Variants in MED28 observed in about 807,000 individuals in gnomAD.
The protein encoded by MED28 is mediator of RNA polymerase II transcription subunit 28.
Under a neutral mutation model 21.3 loss-of-function variants are expected in MED28, and 26 were observed. The ratio of observed to expected loss-of-function variants is 1.22; its 90% confidence interval spans 0.89 to 1.69. The LOEUF is 1.69. Among genes scored for constraint, MED28 ranks in the 40% most tolerant of loss-of-function variants. The pLI, the probability that MED28 is intolerant of heterozygous loss-of-function variation, is 0.00. For synonymous variants in MED28, 110 were observed against 87.6 expected (o/e 1.26, Z -1.43); for missense variants, 257 against 215.4 (o/e 1.19, Z -1.21).
Position 17,623,699 on chromosome 4 carries a change from C to T in MED28, c.438C>T (p.Ile146=). Reference sequence around the variant, plus strand: ...ATTGGCAGCAGGTGCTGGAGGACATCAACGTGCAGCACAAAAAGCCCGCCG... The same window carrying T: ...ATTGGCAGCAGGTGCTGGAGGACATTAACGTGCAGCACAAAAAGCCCGCCG... ...LRHWQQVLED[I]NVQHKKPADI... Residue 146 remains isoleucine, a synonymous_variant, in exon 4 of 4, where the codon ATC becomes ATT. Transcript: ENST00000237380. 2 of 1,614,202 alleles carry T rather than the reference C, an allele frequency of 1.2e-6. No individual in the cohort carries two copies. The highest frequency in any genetic ancestry group is 1.7e-6 in the Non-Finnish European group (2 of 1,180,030).
chr4:17,625,797 G>C lies in MED28; in HGVS notation c.*1999G>C. The C allele has an allele frequency of 2.7e-6, 1 of 370,240 alleles. No individual in the cohort carries two copies. The highest frequency in any genetic ancestry group is 2.0e-5 in the South Asian group (1 of 49,254). 22.9% of individuals were successfully genotyped at this position (370,240 alleles called of 1,614,324 possible). On this transcript the variant is annotated 3_prime_UTR_variant, in exon 4 of 4. Transcript: ENST00000237380. ...TGCCAAGCACTGCTCTGGTACTGGG[G>C]AGTGGAGTATTATGTCTTGGAAGAG...
intron 1 of MED28, among the ~76,000 whole-genome samples, chr4:17,616,189 T>C (rs926578080): frequency 2.6e-5 from 4 of 152,122 alleles, no homozygotes; most frequent in Non-Finnish European, 5.9e-5. Context: ...ACTCCTGACC[T>C]CGTGATCCAC....
intron 1 of MED28, among the ~76,000 whole-genome samples, chr4:17,619,388 C>T (rs1714550885): frequency 6.6e-6 from 1 of 152,156 alleles, no homozygotes; most frequent in Non-Finnish European, 1.5e-5. Flanking sequence ...TTCTCATCTA[C>T]TAGTAGGGGA....
In MED28 at chr4:17,632,668, T is replaced by C. The variant is rs1180231631; in HGVS notation, c.*8870T>C. The C allele has an allele frequency of 5.9e-6, 8 of 1,349,984 alleles. No homozygotes were observed. The highest frequency in any genetic ancestry group is 1.8e-4 in the Middle Eastern group (1 of 5,520). The allele number at this position is 1,349,984 out of a possible 1,614,324, so 83.6% of individuals were successfully genotyped here. A position where few individuals can be genotyped will look rare whatever the true frequency, so the allele number is the denominator to read the frequency against. On this transcript the variant is annotated 3_prime_UTR_variant, in exon 4 of 4. Transcript: ENST00000237380. ...TTTTTTTATATGGTTTTGAAAACTA[T>C]GCAAGAAGCAGCTTAATACCCACCA... is the stretch of plus-strand genomic sequence containing the variant.
chr4:17,632,482 T>G lies in MED28; in HGVS notation c.*8684T>G, dbSNP rs1434128187. Reference sequence around the variant, plus strand: ...AGTTCATTCCTTCAATCGGATGATTTAAAATAAATGTTTTTCAAGTATCCT... The same window carrying G: ...AGTTCATTCCTTCAATCGGATGATTGAAAATAAATGTTTTTCAAGTATCCT... On this transcript the variant is annotated 3_prime_UTR_variant, in exon 4 of 4. Coordinates refer to ENST00000237380, the MANE Select transcript of MED28 (RefSeq NM_025205.5). 1.4e-6 allele frequency: 2 copies of G among 1,398,100 alleles called. No homozygotes were observed. The highest frequency in any genetic ancestry group is 2.0e-6 in the Non-Finnish European group (2 of 1,016,952). 86.6% of individuals were successfully genotyped at this position (1,398,100 alleles called of 1,614,324 possible).
rs1015204297 is a variant in MED28 at position 17,625,996 on chromosome 4, C to T, written c.*2198C>T. The T allele has an allele frequency of 6.2e-6, 1 of 161,638 alleles. No individual in the cohort carries two copies. Among genetic ancestry groups the T allele is most frequent in the African/African-American group, 2.4e-5 (1 of 41,592 alleles). 10.0% of individuals were successfully genotyped at this position (161,638 alleles called of 1,614,324 possible). A position where few individuals can be genotyped will look rare whatever the true frequency, so the allele number is the denominator to read the frequency against. On this transcript the variant is annotated 3_prime_UTR_variant, in exon 4 of 4. Coordinates refer to ENST00000237380, the MANE Select transcript of MED28 (RefSeq NM_025205.5). ...TTATAACAGAATCAATATTGTTTTT[C>T]CCATTTTCACAGATGGATAATAAAT... is the stretch of plus-strand genomic sequence containing the variant.
At chr4:17,618,380 G>C (rs1479810482) in intron 1 of MED28, among the ~76,000 whole-genome samples, 1 of 152,092 alleles carries the variant, frequency 6.6e-6, no homozygotes, top group East Asian at 1.9e-4. Context: ...CTGTCTGGTA[G>C]GCCTCCTGGC....
intron 1 of MED28, among the ~76,000 whole-genome samples, chr4:17,616,725 ACTAC>A (rs1430739351): frequency 6.6e-6 from 1 of 152,134 alleles, no homozygotes; most frequent in African/African-American, 2.4e-5. Flanking sequence ...GAAGTCAGAG[ACTAC>A]CTGTTTTGTA....
intron 2 of MED28, 50 bp from the exon 3 acceptor site, chr4:17,621,537 T>G: frequency 1.6e-6 from 2 of 1,232,900 alleles, no homozygotes; most frequent in South Asian, 1.5e-5. Flanking sequence ...GGGAGATAAA[T>G]GAGTCTGTTG....
intron 1 of MED28, among the ~76,000 whole-genome samples, chr4:17,618,867 G>C (rs1021613803): frequency 4.6e-5 from 7 of 152,212 alleles, no homozygotes; most frequent in Admixed American, 4.6e-4. Flanking sequence ...GTAATCCTGA[G>C]AATGGGCAAT....
Position 17,633,782 on chromosome 4 carries a change from G to A in MED28, c.*9984G>A. ...CAAGCTGGGTGATGTAGTTATTGGA[G>A]GGGCATTAATCCTGGAACTCAGATC... is the stretch of plus-strand genomic sequence containing the variant. On this transcript the variant is annotated 3_prime_UTR_variant, in exon 4 of 4. Transcript: ENST00000237380. 3 of 1,551,632 alleles carry A rather than the reference G, an allele frequency of 1.9e-6. No individual in the cohort carries two copies. The highest frequency in any genetic ancestry group is 2.4e-5 in the East Asian group (1 of 40,914).
In MED28 at chr4:17,632,674, A is replaced by C. The variant is rs573537965; in HGVS notation, c.*8876A>C. On this transcript the variant is annotated 3_prime_UTR_variant, in exon 4 of 4. Transcript: ENST00000237380. Reference sequence around the variant, plus strand: ...TATATGGTTTTGAAAACTATGCAAGAAGCAGCTTAATACCCACCATCTTTT... The same window carrying C: ...TATATGGTTTTGAAAACTATGCAAGCAGCAGCTTAATACCCACCATCTTTT... The C allele has an allele frequency of 1.3e-4, 169 of 1,275,358 alleles. 1 individual carries two copies. The South Asian group carries it at 1.7e-3, about 13-fold the overall frequency. 79.0% of individuals were successfully genotyped at this position (1,275,358 alleles called of 1,614,324 possible).
In MED28 at chr4:17,624,032, AG is replaced by A. The variant is rs1179667939; in HGVS notation, c.*235del. 5.5e-6 allele frequency: 3 copies of A among 544,896 alleles called. No homozygotes were observed. The African/African-American group carries it at 5.7e-5, about 10-fold the overall frequency. 33.8% of individuals were successfully genotyped at this position (544,896 alleles called of 1,614,324 possible). Reference sequence around the variant, plus strand: ...AAGTAAGTATTTTTTTTTTGTCTTTAGCAAAGTTTAGACTGTGAATATGATG... The same window carrying A: ...AAGTAAGTATTTTTTTTTTGTCTTTACAAAGTTTAGACTGTGAATATGATG... On this transcript the variant is annotated 3_prime_UTR_variant, in exon 4 of 4. Transcript: ENST00000237380.
In MED28 at chr4:17,625,291, A is replaced by G. The variant is rs1357469626; in HGVS notation, c.*1493A>G. On this transcript the variant is annotated 3_prime_UTR_variant, in exon 4 of 4. Transcript: ENST00000237380. ...ATCTGTATCTTTTTGGTGTGTGTATATGGTATCTGGCACATGGATCTCTGA... is the reference window on the plus strand; with the variant it reads ...ATCTGTATCTTTTTGGTGTGTGTATGTGGTATCTGGCACATGGATCTCTGA... 1 of 172,988 alleles carries G rather than the reference A, an allele frequency of 5.8e-6. No homozygotes were observed. Among genetic ancestry groups the G allele is most frequent in the Middle Eastern group, 2.4e-3 (1 of 414 alleles). 10.7% of individuals were successfully genotyped at this position (172,988 alleles called of 1,614,324 possible). A position where few individuals can be genotyped will look rare whatever the true frequency, so the allele number is the denominator to read the frequency against.
In MED28 at chr4:17,630,178, A is replaced by G. The variant is rs1211463132; in HGVS notation, c.*6380A>G. ...AAAGTGCAGCCTGGGAAAGTGTTTC[A>G]ACACACAAAAATAGAACCACCTGTA... On this transcript the variant is annotated 3_prime_UTR_variant, in exon 4 of 4. Coordinates refer to ENST00000237380, the MANE Select transcript of MED28 (RefSeq NM_025205.5). The G allele has an allele frequency of 6.6e-6, 1 of 152,238 alleles. No individual in the cohort carries two copies. Among genetic ancestry groups the G allele is most frequent in the African/African-American group, 2.4e-5 (1 of 41,454 alleles). 9.4% of individuals were successfully genotyped at this position (152,238 alleles called of 1,614,324 possible).
intron 3 of MED28, among the ~76,000 whole-genome samples, chr4:17,622,980 C>G (rs1157560570): frequency 6.6e-6 from 1 of 152,192 alleles, no homozygotes; most frequent in Non-Finnish European, 1.5e-5. Flanking sequence ...CCTCCCTCGA[C>G]ACATGGGAAT....
chr4:17,625,702 GCT>G lies in MED28; in HGVS notation c.*1905_*1906del, dbSNP rs1714757486. On this transcript the variant is annotated 3_prime_UTR_variant, in exon 4 of 4. Coordinates refer to ENST00000237380, the MANE Select transcript of MED28 (RefSeq NM_025205.5). Reference sequence around the variant, plus strand: ...AATCCTCTAAGAAACCCTCTGAGCTGCTAACTTTTTCAGGGAGAAAATCACAA... The same window carrying G: ...AATCCTCTAAGAAACCCTCTGAGCTGAACTTTTTCAGGGAGAAAATCACAA... 2.2e-6 allele frequency: 1 copy of G among 445,118 alleles called. No homozygotes were observed. Among genetic ancestry groups the G allele is most frequent in the African/African-American group, 2.0e-5 (1 of 49,684 alleles). 27.6% of individuals were successfully genotyped at this position (445,118 alleles called of 1,614,324 possible).
Position 17,631,230 on chromosome 4 carries a change from T to A in MED28, c.*7432T>A, listed in dbSNP as rs769143476. 6.6e-5 allele frequency: 10 copies of A among 151,070 alleles called. No homozygotes were observed. The highest frequency in any genetic ancestry group is 1.3e-4 in the Admixed American group (2 of 15,250). 9.4% of individuals were successfully genotyped at this position (151,070 alleles called of 1,614,324 possible). ...GGGATATATATATATATTTTTTTAA[T>A]CTGTAGAGATGGGATCTCACTATCT... On this transcript the variant is annotated 3_prime_UTR_variant, in exon 4 of 4. Coordinates refer to ENST00000237380, the MANE Select transcript of MED28 (RefSeq NM_025205.5).
In MED28 at chr4:17,629,747, T is replaced by G. The variant is rs1055997378; in HGVS notation, c.*5949T>G. On this transcript the variant is annotated 3_prime_UTR_variant, in exon 4 of 4. Coordinates refer to ENST00000237380, the MANE Select transcript of MED28 (RefSeq NM_025205.5). ...CTAGACCGCTCTGCTGTTGAGAGAT[T>G]GATGGAATCATTATGCAAACTAAAA... 6.6e-6 allele frequency: 1 copy of G among 152,224 alleles called. No homozygotes were observed. The highest frequency in any genetic ancestry group is 2.4e-5 in the African/African-American group (1 of 41,462). 9.4% of individuals were successfully genotyped at this position (152,224 alleles called of 1,614,324 possible).
Sources: gnomAD v4.1 joint callset for allele counts (sites outside exome capture counted in the v4.1 genomes callset) on GRCh38, gnomAD v4.1.1 for gene constraint, MANE v1.5 for transcripts, NCBI Gene and HGNC (gene_info 2026-07-23, HGNC 2026-07-21) for gene names.